The following CDK8 variants were observed in gnomAD, a reference collection of about 807,000 sequenced individuals.
CDK8 encodes cyclin dependent kinase 8, also known as cyclin-dependent kinase 8.
Under a neutral mutation model 71.5 loss-of-function variants are expected in CDK8, and 29 were observed. That is an observed-to-expected ratio of 0.41 (90% CI 0.30 to 0.55). CDK8 has a LOEUF of 0.55. Among genes scored for constraint, CDK8 ranks in the 20% least tolerant of loss-of-function variants. The pLI is 0.37. For missense variants in CDK8, 288 were observed against 572.6 expected, an observed-to-expected ratio of 0.50 and a Z score of 5.07; for synonymous variants, 161 against 192.1, an observed-to-expected ratio of 0.84 and a Z score of 1.34.
At chr13:26,398,711 C>T (rs1044654502) in intron 9 of CDK8, among the ~76,000 whole-genome samples, 1 of 152,114 alleles carries the variant, frequency 6.6e-6, no homozygotes, top group Non-Finnish European at 1.5e-5. Context: ...TGGTAGCTCA[C>T]GCCTGTGATC....
intron 1 of CDK8, among the ~76,000 whole-genome samples, chr13:26,310,008 G>A (rs1460072602): frequency 3.3e-5 from 5 of 152,032 alleles, no homozygotes; most frequent in African/African-American, 7.2e-5. Context: ...CACCTGCCTC[G>A]GCCTCCGAAA....
Position 26,316,202 on chromosome 13 carries a change from T to C in CDK8, c.129-21365T>C, listed in dbSNP as rs540815175. Among the ~76,000 whole-genome samples the C allele has an allele frequency of 2.6e-5, 4 of 152,050 alleles. No homozygotes were observed. The East Asian group carries it at 5.8e-4, about 22-fold the overall frequency. On this transcript the variant is annotated intron_variant, in intron 1 of 12. Transcript: ENST00000381527. The stretch of plus-strand genomic sequence containing the variant: ...GGCAAAAGCCTGTCTCTACAGAAAA[T>C]GTAGAAACTTAGCTGGGCATGGTTG...
At chr13:26,318,303 T>C (rs1042768960) in intron 1 of CDK8, among the ~76,000 whole-genome samples, 13 of 151,932 alleles carry the variant, frequency 8.6e-5, no homozygotes, top group African/African-American at 3.1e-4. Context: ...AAAAAGCTCT[T>C]GATTTAAAAA....
chr13:26,319,496 AG>A (rs1439250428), intron 1 of CDK8, among the ~76,000 whole-genome samples: 3 of 151,964 alleles, frequency 2.0e-5, no homozygotes. Context: ...TAAAATACTT[AG>A]GAATTAACCA....
chr13:26,365,706 T>C (rs1874355548), intron 4 of CDK8, among the ~76,000 whole-genome samples: 1 of 152,120 alleles, frequency 6.6e-6, no homozygotes, highest in East Asian at 1.9e-4. Flanking sequence ...GTATTTTACA[T>C]AACTCCTCCC....
At chr13:26,357,459 A>T (rs753899513) in intron 4 of CDK8, among the ~76,000 whole-genome samples, 13 of 152,198 alleles carry the variant, frequency 8.5e-5, no homozygotes, top group Non-Finnish European at 1.5e-4. Context: ...GGTAAATAAG[A>T]ACAAAGTTAT....
In CDK8 at chr13:26,329,702, C is replaced by G. The variant is rs1875215642; in HGVS notation, c.129-7865C>G. On this transcript the variant is annotated intron_variant, in intron 1 of 12. Coordinates refer to ENST00000381527, the MANE Select transcript of CDK8 (RefSeq NM_001260.3). ...TATTTTTTGTACAGACGGGGTTTTG[C>G]CACGTTGGGCAGGCTGGTCTCAAAC... 2.0e-5 allele frequency among the ~76,000 whole-genome samples: 3 copies of G among 152,068 alleles called. No individual in the cohort carries two copies. The South Asian group carries it at 6.3e-4, about 32-fold the overall frequency.
At position 26,254,636 on chromosome 13, in the gene CDK8, G is replaced by T; in HGVS notation, c.-6G>T. 6.2e-7 allele frequency: 1 copy of T among 1,603,096 alleles called. No homozygotes were observed. ...ACCCAGCTCTCCGGCCTCAGAGGCT[G>T]TGACAATGGACTATGACTTTAAAGT... On this transcript the variant is annotated 5_prime_UTR_variant, in exon 1 of 13. Transcript: ENST00000381527. The surrounding 1 kb of genome is among the most constrained non-coding windows in gnomAD (Gnocchi z 6.7).
chr13:26,385,166 TA>T (rs1243861227), intron 5 of CDK8, 44 bp from the exon 6 acceptor site: 2 of 1,516,274 alleles, frequency 1.3e-6, no homozygotes, highest in African/African-American at 2.8e-5. Flanking sequence ...GTTAGATTTG[TA>T]AAAATCATTT....
At chr13:26,259,756 T>C (rs911882409) in intron 1 of CDK8, among the ~76,000 whole-genome samples, 2 of 152,226 alleles carry the variant, frequency 1.3e-5, no homozygotes, top group African/African-American at 4.8e-5. Context: ...TACTGTGTCT[T>C]TGAACATTTG....
chr13:26,304,796 C>T (rs1472134319), intron 1 of CDK8, among the ~76,000 whole-genome samples: 1 of 151,364 alleles, frequency 6.6e-6, no homozygotes, highest in Non-Finnish European at 1.5e-5. Flanking sequence ...ACTACCATAC[C>T]CAGCTAATTT....
intron 6 of CDK8, among the ~76,000 whole-genome samples, chr13:26,387,817 C>A (rs187200991): frequency 6.6e-6 from 1 of 152,106 alleles, no homozygotes; most frequent in African/African-American, 2.4e-5. Context: ...GAGAACTTCC[C>A]GGATTACATA....
chr13:26,347,555 G>A (rs1241759199), intron 2 of CDK8, among the ~76,000 whole-genome samples: 1 of 152,110 alleles, frequency 6.6e-6, no homozygotes, highest in African/African-American at 2.4e-5. Context: ...TTAGTATCTA[G>A]ACTATGTAAA....
At chr13:26,377,472 G>GTGTTTATA (rs1209100080) in intron 4 of CDK8, among the ~76,000 whole-genome samples, 1 of 152,208 alleles carries the variant, frequency 6.6e-6, no homozygotes, top group Non-Finnish European at 1.5e-5. Context: ...ATGAAGTTAG[G>GTGTTTATA]TGTTTATAAG....
At chr13:26,280,927 G>T (rs1200600729) in intron 1 of CDK8, among the ~76,000 whole-genome samples, 4 of 152,238 alleles carry the variant, frequency 2.6e-5, no homozygotes, top group Non-Finnish European at 5.9e-5. Context: ...AAAACTGAAA[G>T]AATTCACAGA....
chr13:26,311,355 A>G lies in CDK8; in HGVS notation c.129-26212A>G, dbSNP rs1041745731. On this transcript the variant is annotated intron_variant, in intron 1 of 12. Transcript: ENST00000381527. The stretch of plus-strand genomic sequence containing the variant: ...TTTTCTTTCTTCCTTCTCTTCCCCA[A>G]ATAAATAAAAAATATTTATTAAGTT... Among the ~76,000 whole-genome samples, 59 of 152,062 alleles carry G rather than the reference A, an allele frequency of 3.9e-4. No individual in the cohort carries two copies. The Middle Eastern group carries it at 0.027, about 70-fold the overall frequency.
intron 1 of CDK8, among the ~76,000 whole-genome samples, chr13:26,278,996 G>C (rs1052337908): frequency 6.6e-6 from 1 of 152,112 alleles, no homozygotes; most frequent in Non-Finnish European, 1.5e-5. Context: ...CAGATACCAC[G>C]TCATTTTATG....
chr13:26,392,324 CTTTTTTT>C (rs5802374), intron 6 of CDK8, among the ~76,000 whole-genome samples: 2 of 100,340 alleles, frequency 2.0e-5, no homozygotes, highest in African/African-American at 3.9e-5. Flanking sequence ...ATTTATAACC[CTTTTTTT>C]TTTTTTTTTT....
chr13:26,400,676 C>CA, intron 10 of CDK8, 126 bp downstream of exon 10: 1 of 666,096 alleles, frequency 1.5e-6, no homozygotes, highest in Non-Finnish European at 2.7e-6. Flanking sequence ...TTATGACAAG[C>CA]AAAAATGAGC....
Sources: gnomAD v4.1 joint callset for allele counts (sites outside exome capture counted in the v4.1 genomes callset) on GRCh38, gnomAD v4.1.1 for gene constraint, Gnocchi (gnomAD v3.1) non-coding constraint, MANE v1.5 for transcripts, NCBI Gene and HGNC (gene_info 2026-07-23, HGNC 2026-07-21) for gene names.